Variants in LPP observed in about 807,000 individuals in gnomAD.
LPP encodes the protein LIM domain containing preferred translocation partner in lipoma, also known as lipoma-preferred partner.
Under a neutral mutation model 60.4 loss-of-function variants are expected in LPP, and 38 were observed. That is an observed-to-expected ratio of 0.63 (90% confidence interval 0.49 to 0.83). The LOEUF is 0.83. Among genes scored for constraint, LPP ranks in the 40% least tolerant of loss-of-function variants. The probability of loss-of-function intolerance (pLI) is 0.00; values close to 1 mark genes in which losing one functional copy is unlikely to be tolerated. For missense variants in LPP, 902 were observed against 783.6 expected (o/e 1.15, Z -1.80); for synonymous variants, 328 against 290.8 (o/e 1.13, Z -1.30).
intron 9 of LPP, among the ~76,000 whole-genome samples, chr3:188,832,951 G>A (rs73888933): frequency 0.019 from 2,856 of 152,214 alleles, 84 homozygotes; most frequent in African/African-American, 0.064. Context: ...CTGGCAAGTC[G>A]ATAACACTGG....
chr3:188,590,772 G>A (rs955401138), intron 6 of LPP, among the ~76,000 whole-genome samples: 1 of 152,100 alleles, frequency 6.6e-6, no homozygotes, highest in Non-Finnish European at 1.5e-5. Context: ...ATGTAGGAAT[G>A]CAGACCCAGT....
chr3:188,236,037 A>T (rs1054676231), intron 2 of LPP, among the ~76,000 whole-genome samples: 1 of 152,128 alleles, frequency 6.6e-6, no homozygotes, highest in African/African-American at 2.4e-5. Context: ...CTGAACACCT[A>T]CTATTTGCTA....
At chr3:188,639,019 A>C (rs1849462305) in intron 7 of LPP, among the ~76,000 whole-genome samples, 1 of 150,810 alleles carries the variant, frequency 6.6e-6, no homozygotes, top group Non-Finnish European at 1.5e-5. Context: ...AAACTACTTT[A>C]AAGTTCATAT....
intron 9 of LPP, among the ~76,000 whole-genome samples, chr3:188,819,793 T>G (rs77794556): frequency 0.018 from 2,794 of 152,190 alleles, 41 homozygotes; most frequent in Non-Finnish European, 0.024. Context: ...GAAAGACAGT[T>G]TAGGCCTGGT....
intron 2 of LPP, among the ~76,000 whole-genome samples, chr3:188,229,021 C>T (rs1178533671): frequency 6.6e-6 from 1 of 152,232 alleles, no homozygotes; most frequent in Non-Finnish European, 1.5e-5. Flanking sequence ...GTATGCCCTT[C>T]CTGCCAACAT....
At chr3:188,420,966 G>A (rs1787631939) in intron 4 of LPP, among the ~76,000 whole-genome samples, 1 of 152,076 alleles carries the variant, frequency 6.6e-6, no homozygotes, top group Non-Finnish European at 1.5e-5. Flanking sequence ...CATGTGTAAG[G>A]CAGGGCATAG....
chr3:188,209,909 T>G (rs1399777391), intron 1 of LPP, among the ~76,000 whole-genome samples: 1 of 152,040 alleles, frequency 6.6e-6, no homozygotes, highest in Non-Finnish European at 1.5e-5. Flanking sequence ...GGATTTCAAG[T>G]TGGCAAAAAA....
intron 1 of LPP, among the ~76,000 whole-genome samples, chr3:188,155,919 G>T (rs1356427275): frequency 6.6e-6 from 1 of 152,112 alleles, no homozygotes; most frequent in East Asian, 1.9e-4. Flanking sequence ...GGAGGCTGAG[G>T]CAGGAGAATC....
At chr3:188,423,034 T>A (rs1348976715) in intron 4 of LPP, among the ~76,000 whole-genome samples, 2 of 151,616 alleles carry the variant, frequency 1.3e-5, no homozygotes, top group Non-Finnish European at 2.9e-5. Flanking sequence ...CATGCCATGG[T>A]GGTTTGCTGC....
intron 8 of LPP, among the ~76,000 whole-genome samples, chr3:188,744,450 A>G (rs1472367404): frequency 6.6e-6 from 1 of 152,142 alleles, no homozygotes; most frequent in Non-Finnish European, 1.5e-5. Context: ...CATTTTTTGC[A>G]AACAAGTGTA....
chr3:188,749,275 T>G (rs1162977703), intron 8 of LPP, among the ~76,000 whole-genome samples: 1 of 151,970 alleles, frequency 6.6e-6, no homozygotes, highest in Non-Finnish European at 1.5e-5. Flanking sequence ...CTTGAGAGAG[T>G]GCTACACTGA....
rs1769039850 is a variant in LPP, at chr3:188,874,687, C to T, written c.*208C>T. 1.9e-6 allele frequency: 1 copy of T among 528,062 alleles called. No individual in the cohort carries two copies. The allele number at this position is 528,062 out of a possible 1,614,324, so 32.7% of individuals were successfully genotyped here. ...TTGAATCATGTAGGATCTTGATGGG[C>T]CTTTGTTCCCAAGGACTTCCACATT... On this transcript the variant is annotated 3_prime_UTR_variant, in exon 12 of 12. Coordinates refer to ENST00000617246, the MANE Select transcript of LPP (RefSeq NM_001375462.1).
At chr3:188,696,336 G>A (rs1863234645) in intron 7 of LPP, among the ~76,000 whole-genome samples, 1 of 152,080 alleles carries the variant, frequency 6.6e-6, no homozygotes, top group African/African-American at 2.4e-5. Flanking sequence ...CTTAATTGGT[G>A]TAGGCTGGAC....
chr3:188,480,163 G>A (rs945611474), intron 4 of LPP, among the ~76,000 whole-genome samples: 2 of 152,156 alleles, frequency 1.3e-5, no homozygotes, highest in Non-Finnish European at 2.9e-5. Flanking sequence ...TAGGTCCTCC[G>A]GAGTCTTTCC....
At chr3:188,627,441 A>G (rs540943226) in intron 7 of LPP, among the ~76,000 whole-genome samples, 2 of 152,296 alleles carry the variant, frequency 1.3e-5, no homozygotes, top group South Asian at 4.1e-4. Flanking sequence ...GAATAAAGGG[A>G]TGGAGAAAGC....
At chr3:188,697,300 C>T (rs1282502772) in intron 7 of LPP, among the ~76,000 whole-genome samples, 1 of 152,170 alleles carries the variant, frequency 6.6e-6, no homozygotes, top group African/African-American at 2.4e-5. Flanking sequence ...GGGAGTTAAC[C>T]ATTTGTTTGC....
chr3:188,267,216 C>T (rs715790), intron 2 of LPP, among the ~76,000 whole-genome samples: 97,174 of 151,968 alleles, frequency 0.64, 32,034 homozygotes, highest in African/African-American at 0.8. Flanking sequence ...TTCTAGGGAT[C>T]TCCAGGCTTT....
chr3:188,444,453 A>G (rs1242295609), intron 4 of LPP, among the ~76,000 whole-genome samples: 1 of 152,206 alleles, frequency 6.6e-6, no homozygotes, highest in African/African-American at 2.4e-5. Context: ...CATTTGTTAT[A>G]CTTGAACTAG....
chr3:188,616,736 A>G (rs1844924395), intron 7 of LPP, among the ~76,000 whole-genome samples: 1 of 152,130 alleles, frequency 6.6e-6, no homozygotes, highest in Non-Finnish European at 1.5e-5. Flanking sequence ...ATCCATGAAG[A>G]TGGCCTATCT....
Sources: gnomAD v4.1 joint callset for allele counts (sites outside exome capture counted in the v4.1 genomes callset) on GRCh38, gnomAD v4.1.1 for gene constraint, MANE v1.5 for transcripts, NCBI Gene and HGNC (gene_info 2026-07-23, HGNC 2026-07-21) for gene names.